ZFHX3: variants seen among roughly 807,000 people sequenced by gnomAD.
The protein encoded by ZFHX3 is zinc finger homeobox protein 3.
A neutral mutation model predicts 279.1 loss-of-function variants in ZFHX3; 42 were observed. The ratio of observed to expected loss-of-function variants is 0.15; its 90% CI spans 0.12 to 0.19. The LOEUF (loss-of-function observed/expected upper bound fraction) is 0.19. Ranked by LOEUF, ZFHX3 falls within the 10% of genes least tolerant of loss-of-function variation. The probability of loss-of-function intolerance (pLI) is 1.00; values close to 1 mark genes in which losing one functional copy is unlikely to be tolerated. For synonymous variants in ZFHX3, 2,293 were observed against 1,957.8 expected (o/e 1.17, Z -4.52); for missense variants, 4,981 against 4,754.0 (o/e 1.05, Z -1.40).
chr16:73,726,612 T>A (rs1306871346), intron 1 of ZFHX3, among the ~76,000 whole-genome samples: 2 of 152,196 alleles, frequency 1.3e-5, no homozygotes, highest in Non-Finnish European at 2.9e-5. Flanking sequence ...GGCACTGGCA[T>A]CTGCTCAGCT....
intron 3 of ZFHX3, among the ~76,000 whole-genome samples, chr16:73,397,248 A>G (rs1489905082): frequency 1.3e-5 from 2 of 152,252 alleles, no homozygotes; most frequent in African/African-American, 4.8e-5. Flanking sequence ...AGTAAGGATT[A>G]TCAGCCATGC....
chr16:73,515,751 G>T (rs1045693629), intron 2 of ZFHX3, among the ~76,000 whole-genome samples: 2 of 152,188 alleles, frequency 1.3e-5, no homozygotes, highest in Admixed American at 1.3e-4. Context: ...TGTCATAGAG[G>T]AATCTGGGAC....
chr16:73,674,196 G>A (rs1176979480), intron 2 of ZFHX3, among the ~76,000 whole-genome samples: 3 of 152,124 alleles, frequency 2.0e-5, no homozygotes, highest in Non-Finnish European at 4.4e-5. Context: ...TTCATATACA[G>A]AAAAGTGTAA....
chr16:73,162,786 A>G (rs1464933761), intron 5 of ZFHX3, among the ~76,000 whole-genome samples: 3 of 152,202 alleles, frequency 2.0e-5, no homozygotes, highest in Admixed American at 6.5e-5. Flanking sequence ...CCACAAATAA[A>G]AATATTTATT....
At chr16:72,835,402 TA>T (rs1042881943) in intron 4 of ZFHX3, among the ~76,000 whole-genome samples, 1 of 151,902 alleles carries the variant, frequency 6.6e-6, no homozygotes, top group Non-Finnish European at 1.5e-5. Context: ...CATTCGGCAT[TA>T]AAAAAAATGA....
chr16:73,860,435 A>G lies in ZFHX3; in HGVS notation c.-1608+31216T>C, dbSNP rs190859236. On this transcript the variant is annotated intron_variant, in intron 1 of 17. Coordinates refer to the ZFHX3 transcript ENST00000641206. The stretch of plus-strand genomic sequence containing the variant: ...TTTTCTAGTCCCACCAATCACGAGG[A>G]GTAGTAAAGCACTTGAGTTCTAAGA... Among the ~76,000 whole-genome samples the G allele has an allele frequency of 3.3e-3, 496 of 149,918 alleles. 2 individuals are homozygous for G. The highest frequency in any genetic ancestry group is 0.011 in the African/African-American group (461 of 40,608).
chr16:72,964,542 G>A (rs542208247), intron 1 of ZFHX3, among the ~76,000 whole-genome samples: 1 of 151,994 alleles, frequency 6.6e-6, no homozygotes, highest in African/African-American at 2.4e-5. Context: ...ATTTCCCAAA[G>A]CTCTTTAAAA....
chr16:73,230,381 G>T (rs2144929877), intron 5 of ZFHX3, among the ~76,000 whole-genome samples: 1 of 152,290 alleles, frequency 6.6e-6, no homozygotes, highest in East Asian at 1.9e-4. Flanking sequence ...ACTGGTGGCA[G>T]AAAATTAGTC....
At chr16:73,669,074 T>A (rs76202219) in intron 2 of ZFHX3, among the ~76,000 whole-genome samples, 1 of 150,946 alleles carries the variant, frequency 6.6e-6, no homozygotes, top group Non-Finnish European at 1.5e-5. Flanking sequence ...CTATTTTCTA[T>A]TTTTTTTTAA....
intron 3 of ZFHX3, among the ~76,000 whole-genome samples, chr16:72,934,648 G>C (rs1199584182): frequency 6.6e-6 from 1 of 151,870 alleles, no homozygotes; most frequent in Non-Finnish European, 1.5e-5. Flanking sequence ...CCAGTTGGGT[G>C]TGGCTGCTCC....
chr16:73,539,210 A>C (rs1164146297), intron 2 of ZFHX3, among the ~76,000 whole-genome samples: 2 of 151,272 alleles, frequency 1.3e-5, no homozygotes, highest in Admixed American at 1.3e-4. Context: ...TTCTTCTGTG[A>C]CTGTGTGGCC....
intron 2 of ZFHX3, among the ~76,000 whole-genome samples, chr16:73,546,710 CTGCTGCTGCTGCTGCTGCTGCTGCTGT>C (rs1263112288): frequency 2.1e-5 from 3 of 143,496 alleles, no homozygotes; most frequent in Non-Finnish European, 3.0e-5. Context: ...GCTGCTGCTG[CTGCTGCTGCTGCTGCTGCTGCTGCTGT>C]TGCTTCTTTT....
At chr16:73,706,948 A>G (rs928935293) in intron 1 of ZFHX3, among the ~76,000 whole-genome samples, 1 of 152,258 alleles carries the variant, frequency 6.6e-6, no homozygotes, top group East Asian at 1.9e-4. Flanking sequence ...CTGGCAGTGT[A>G]TTGCACACAG....
At position 73,501,127 on chromosome 16, in the gene ZFHX3, T is replaced by C. The variant is rs1229493490; in HGVS notation, c.-1546-44869A>G. Among the ~76,000 whole-genome samples, 3 of 152,364 alleles carry C rather than the reference T, an allele frequency of 2.0e-5. No individual in the cohort carries two copies. The East Asian group carries it at 5.8e-4, about 29-fold the overall frequency. On this transcript the variant is annotated intron_variant, in intron 2 of 17. Coordinates refer to the ZFHX3 transcript ENST00000641206. ...GATACACAAATGTTTACCATTGTGTTATAAATGCCTATAGTATTCACTACA... is the reference window on the plus strand; with the variant it reads ...GATACACAAATGTTTACCATTGTGTCATAAATGCCTATAGTATTCACTACA...
intron 1 of ZFHX3, among the ~76,000 whole-genome samples, chr16:73,792,856 A>ACC (rs55813623): frequency 0.033 from 4,418 of 134,550 alleles, 109 homozygotes; most frequent in East Asian, 0.085. Context: ...CATACAGTGC[A>ACC]CCCCCCCCCT....
At chr16:73,658,763 C>G (rs1567544601) in intron 2 of ZFHX3, among the ~76,000 whole-genome samples, 1 of 152,052 alleles carries the variant, frequency 6.6e-6, no homozygotes, top group African/African-American at 2.4e-5. Context: ...AAATTTAGCA[C>G]AAAACTATTA....
intron 3 of ZFHX3, among the ~76,000 whole-genome samples, chr16:73,347,206 T>C (rs16971750): frequency 0.041 from 6,248 of 152,334 alleles, 248 homozygotes; most frequent in South Asian, 0.11. Flanking sequence ...ACTTCTTCCA[T>C]CTGATTCTAC....
intron 3 of ZFHX3, among the ~76,000 whole-genome samples, chr16:72,949,004 T>C (rs1315472994): frequency 4.6e-5 from 7 of 152,202 alleles, no homozygotes; most frequent in Admixed American, 1.3e-4. Context: ...CACTGCACCA[T>C]AGCTGAGTCC....
intron 3 of ZFHX3, among the ~76,000 whole-genome samples, chr16:73,449,837 AT>A (rs943374740): frequency 1.3e-5 from 2 of 151,958 alleles, no homozygotes; most frequent in Non-Finnish European, 2.9e-5. Flanking sequence ...GGTTTTCTCC[AT>A]TTTTTTTCTC....
Sources: allele counts gnomAD v4.1 joint callset (sites outside exome capture counted in the v4.1 genomes callset), GRCh38; gene constraint gnomAD v4.1.1; transcripts MANE v1.5; gene names NCBI Gene and HGNC (gene_info 2026-07-23, HGNC 2026-07-21).